The following SGCZ variants were observed in gnomAD, a reference collection of about 807,000 sequenced individuals.
The protein encoded by SGCZ is zeta-sarcoglycan.
SGCZ carries 40 observed loss-of-function variants against 41.3 expected under a neutral mutation model. That is an observed-to-expected ratio of 0.97 (90% confidence interval 0.75 to 1.26). The LOEUF (loss-of-function observed/expected upper bound fraction) is 1.26, where lower values mean the gene tolerates loss of function less well. Among genes scored for constraint, SGCZ ranks in the 50% most tolerant of loss-of-function variants. The pLI is 0.00. For synonymous variants in SGCZ, 206 were observed against 137.5 expected (o/e 1.50, Z -3.49); for missense variants, 552 against 369.8 (o/e 1.49, Z -4.04).
At chr8:14,893,240 G>T (rs1172245813) in intron 1 of SGCZ, among the ~76,000 whole-genome samples, 1 of 152,084 alleles carries the variant, frequency 6.6e-6, no homozygotes, top group African/African-American at 2.4e-5. Context: ...TCATTTTAAA[G>T]ATGGAGGAAG....
chr8:14,990,011 T>A (rs779827659), intron 1 of SGCZ, among the ~76,000 whole-genome samples: 11 of 152,166 alleles, frequency 7.2e-5, no homozygotes, highest in Non-Finnish European at 1.3e-4. Context: ...AATAGCTGCC[T>A]ACATTTTAAT....
chr8:14,451,914 T>C (rs934803917), intron 2 of SGCZ, among the ~76,000 whole-genome samples: 1 of 152,210 alleles, frequency 6.6e-6, no homozygotes, highest in Non-Finnish European at 1.5e-5. Flanking sequence ...TGTTGAAAGG[T>C]AGTTTAATAG....
intron 1 of SGCZ, among the ~76,000 whole-genome samples, chr8:14,759,486 A>C (rs1009967046): frequency 7.2e-5 from 11 of 152,234 alleles, no homozygotes. Context: ...AAGACAACTT[A>C]TTCCAGAAAA....
At chr8:14,592,106 G>A (rs1213836530) in intron 1 of SGCZ, among the ~76,000 whole-genome samples, 2 of 152,084 alleles carry the variant, frequency 1.3e-5, no homozygotes, top group African/African-American at 4.8e-5. Context: ...GGAAAATTTT[G>A]CTTTTCCCAC....
intron 1 of SGCZ, among the ~76,000 whole-genome samples, chr8:14,865,471 A>ATT (rs1803896608): frequency 6.6e-6 from 1 of 152,040 alleles, no homozygotes; most frequent in Admixed American, 6.6e-5. Flanking sequence ...TGAATGAATC[A>ATT]ATCTCTGTAT....
intron 7 of SGCZ, among the ~76,000 whole-genome samples, chr8:14,097,318 G>A (rs1801876608): frequency 6.6e-6 from 1 of 152,182 alleles, no homozygotes; most frequent in South Asian, 2.1e-4. Context: ...TGGTTTCAAA[G>A]AACATCTTTC....
intron 2 of SGCZ, among the ~76,000 whole-genome samples, chr8:14,411,687 A>G (rs1563312270): frequency 6.6e-6 from 1 of 152,098 alleles, no homozygotes; most frequent in Non-Finnish European, 1.5e-5. Flanking sequence ...CTCATTAAAT[A>G]TTTGTTTCAT....
At chr8:15,153,143 CAAT>C (rs755735787) in intron 1 of SGCZ, among the ~76,000 whole-genome samples, 5 of 152,170 alleles carry the variant, frequency 3.3e-5, no homozygotes, top group Admixed American at 6.5e-5. Context: ...ATAATTAGTA[CAAT>C]TTTAGATGTA....
intron 1 of SGCZ, among the ~76,000 whole-genome samples, chr8:14,596,857 GA>G (rs1805428932): frequency 6.6e-6 from 1 of 151,896 alleles, no homozygotes; most frequent in South Asian, 2.1e-4. Flanking sequence ...TAAAGAAACA[GA>G]ATTTTTTTAA....
intron 1 of SGCZ, among the ~76,000 whole-genome samples, chr8:14,837,874 A>T (rs978358861): frequency 5.3e-5 from 8 of 152,308 alleles, no homozygotes; most frequent in Middle Eastern, 6.8e-3. Flanking sequence ...AAATCATAAT[A>T]ACTGGGATAT....
At chr8:14,195,181 G>A (rs1052068869) in intron 4 of SGCZ, among the ~76,000 whole-genome samples, 2 of 151,992 alleles carry the variant, frequency 1.3e-5, no homozygotes, top group African/African-American at 2.4e-5. Flanking sequence ...TGCATAAATG[G>A]ACATTAAAAA....
chr8:14,331,420 A>G (rs746445894), intron 2 of SGCZ, among the ~76,000 whole-genome samples: 4 of 152,120 alleles, frequency 2.6e-5, no homozygotes, highest in Non-Finnish European at 4.4e-5. Flanking sequence ...CCCCAAGCAT[A>G]AAAGAAAAAA....
At chr8:15,055,179 C>T (rs752218094) in intron 1 of SGCZ, among the ~76,000 whole-genome samples, 1 of 152,076 alleles carries the variant, frequency 6.6e-6, no homozygotes, top group Non-Finnish European at 1.5e-5. Context: ...CCATGACTTG[C>T]TGTGCAAACT....
intron 3 of SGCZ, among the ~76,000 whole-genome samples, chr8:14,289,274 G>A (rs73666513): frequency 3.3e-5 from 5 of 150,830 alleles, no homozygotes; most frequent in Non-Finnish European, 7.4e-5. Context: ...TAATTATGAA[G>A]AAGTATAATT....
intron 1 of SGCZ, among the ~76,000 whole-genome samples, chr8:14,913,091 A>T (rs1799325589): frequency 6.6e-6 from 1 of 152,064 alleles, no homozygotes; most frequent in African/African-American, 2.4e-5. Context: ...GAAAGAAAAA[A>T]ATTTAAAAAG....
intron 2 of SGCZ, among the ~76,000 whole-genome samples, chr8:14,335,263 A>T (rs1802469758): frequency 6.6e-6 from 1 of 152,132 alleles, no homozygotes; most frequent in South Asian, 2.1e-4. Flanking sequence ...CCTTCCAAAC[A>T]TCAAGGAGAA....
At chr8:14,394,626 T>A (rs1226214798) in intron 2 of SGCZ, among the ~76,000 whole-genome samples, 1 of 152,140 alleles carries the variant, frequency 6.6e-6, no homozygotes, top group African/African-American at 2.4e-5. Flanking sequence ...TAACTGCTGA[T>A]CCTGTCATAG....
At chr8:15,001,090 G>A (rs1314520220) in intron 1 of SGCZ, among the ~76,000 whole-genome samples, 3 of 152,214 alleles carry the variant, frequency 2.0e-5, no homozygotes, top group African/African-American at 7.2e-5. Flanking sequence ...AGTGACAGAA[G>A]AACAACTGGC....
intron 1 of SGCZ, among the ~76,000 whole-genome samples, chr8:15,086,554 C>G (rs1805956657): frequency 6.6e-6 from 1 of 152,106 alleles, no homozygotes. Context: ...AGTGATAGAT[C>G]AGCTAATTGA....
Sources: gnomAD v4.1 joint callset for allele counts (sites outside exome capture counted in the v4.1 genomes callset) on GRCh38, gnomAD v4.1.1 for gene constraint, MANE v1.5 for transcripts, NCBI Gene and HGNC (gene_info 2026-07-23, HGNC 2026-07-21) for gene names.